ENTREP2: variants seen among roughly 807,000 people sequenced by gnomAD.
The protein encoded by ENTREP2 is protein ENTREP2.
the ENTREP2 span, among the ~76,000 whole-genome samples, chr15:29,361,514 C>T: frequency 6.6e-6 from 1 of 152,210 alleles, no homozygotes; most frequent in Admixed American, 6.5e-5. Context: ...GTATCTTTAA[C>T]ATTTTATTGA....
At chr15:29,223,906 G>GT in the ENTREP2 span, among the ~76,000 whole-genome samples, 1 of 152,164 alleles carries the variant, frequency 6.6e-6, no homozygotes, top group African/African-American at 2.4e-5. Flanking sequence ...TGCACATGAA[G>GT]TAAAGTCTGA....
At chr15:29,220,475 A>T in the ENTREP2 span, among the ~76,000 whole-genome samples, 1 of 152,192 alleles carries the variant, frequency 6.6e-6, no homozygotes, top group African/African-American at 2.4e-5. Flanking sequence ...CATGCAATTA[A>T]AGCCCATTAG....
chr15:29,506,947 A>G, the ENTREP2 span, among the ~76,000 whole-genome samples: 1 of 152,320 alleles, frequency 6.6e-6, no homozygotes, highest in African/African-American at 2.4e-5. Context: ...CCCCAATTAA[A>G]AGGCAAACAC....
the ENTREP2 span, among the ~76,000 whole-genome samples, chr15:29,631,723 G>A: frequency 1.3e-5 from 2 of 152,282 alleles, no homozygotes; most frequent in East Asian, 1.9e-4. Flanking sequence ...TCTAGCTGGG[G>A]GTGGGGACAG....
the ENTREP2 span, among the ~76,000 whole-genome samples, chr15:29,342,218 G>C: frequency 6.6e-6 from 1 of 152,208 alleles, no homozygotes; most frequent in Admixed American, 6.5e-5. Flanking sequence ...GGTAACTTTT[G>C]AAGGAACAGC....
the ENTREP2 span, chr15:29,570,402 CCGGA>C: frequency 1.3e-6 from 1 of 747,312 alleles, no homozygotes; most frequent in Non-Finnish European, 1.8e-6. Context: ...GCGTTGGCCG[CCGGA>C]ACTTGCCGCC....
the ENTREP2 span, among the ~76,000 whole-genome samples, chr15:29,484,533 C>T: frequency 6.6e-6 from 1 of 152,322 alleles, no homozygotes; most frequent in African/African-American, 2.4e-5. Context: ...TAATCATTCA[C>T]ATGCCATAGG....
the ENTREP2 span, among the ~76,000 whole-genome samples, chr15:29,583,501 G>C: frequency 6.6e-6 from 1 of 152,146 alleles, no homozygotes; most frequent in African/African-American, 2.4e-5. Context: ...AGAGCAATGA[G>C]GGGGAGAGCA....
At chr15:29,223,877 G>T in the ENTREP2 span, among the ~76,000 whole-genome samples, 44 of 152,182 alleles carry the variant, frequency 2.9e-4, no homozygotes, top group Non-Finnish European at 1.5e-4. Flanking sequence ...AGCTGACAGA[G>T]GACTGACAGA....
the ENTREP2 span, among the ~76,000 whole-genome samples, chr15:29,533,711 T>A: frequency 2.0e-5 from 3 of 152,034 alleles, no homozygotes; most frequent in Non-Finnish European, 4.4e-5. Flanking sequence ...ACCTTGGAAT[T>A]TCCCCTTCTT....
chr15:29,375,877 CCT>C, the ENTREP2 span: 351 of 152,002 alleles, frequency 2.3e-3, 2 homozygotes, highest in African/African-American at 8.2e-3. Context: ...TCTGAAAAGC[CCT>C]GTTTCTCTGA....
the ENTREP2 span, among the ~76,000 whole-genome samples, chr15:29,402,568 C>T: frequency 1.3e-5 from 2 of 152,138 alleles, no homozygotes; most frequent in African/African-American, 4.8e-5. Flanking sequence ...CTGTGGCCTC[C>T]CAAAGTGCTG....
chr15:29,487,136 T>C, the ENTREP2 span, among the ~76,000 whole-genome samples: 1 of 152,240 alleles, frequency 6.6e-6, no homozygotes, highest in Admixed American at 6.5e-5. Flanking sequence ...AATATCACTC[T>C]GTATCCCATA....
At chr15:29,128,720 G>C in the ENTREP2 span, 1 of 1,132,420 alleles carries the variant, frequency 8.8e-7, no homozygotes, top group African/African-American at 1.5e-5. Context: ...AGAATAGGAC[G>C]AGGACGAAAA....
At chr15:29,289,003 G>A in the ENTREP2 span, among the ~76,000 whole-genome samples, 1 of 151,984 alleles carries the variant, frequency 6.6e-6, no homozygotes, top group African/African-American at 2.4e-5. Context: ...TCAGGAGTTA[G>A]AGACCAGCCT....
chr15:29,196,281 A>G, the ENTREP2 span: 1 of 852,376 alleles, frequency 1.2e-6, no homozygotes, highest in East Asian at 2.7e-5. Context: ...TAATCCTTTC[A>G]AATGTTCTCT....
At chr15:29,524,669 A>C in the ENTREP2 span, among the ~76,000 whole-genome samples, 1 of 152,250 alleles carries the variant, frequency 6.6e-6, no homozygotes, top group East Asian at 1.9e-4. Context: ...AGTCGGAAGC[A>C]GCAATGGGCG....
At chr15:29,256,525 G>A in the ENTREP2 span, among the ~76,000 whole-genome samples, 52 of 151,952 alleles carry the variant, frequency 3.4e-4, no homozygotes, top group African/African-American at 1.2e-3. Flanking sequence ...TACAACTGCC[G>A]AAAAAAATGA....
the ENTREP2 span, among the ~76,000 whole-genome samples, chr15:29,206,657 G>T: frequency 6.6e-6 from 1 of 152,158 alleles, no homozygotes; most frequent in African/African-American, 2.4e-5. Context: ...GCCAATCCGG[G>T]GTGCGACATA....
Sources: allele counts gnomAD v4.1 joint callset (sites outside exome capture counted in the v4.1 genomes callset), GRCh38; gene constraint gnomAD v4.1.1; transcripts MANE v1.5; gene names NCBI Gene and HGNC (gene_info 2026-07-23, HGNC 2026-07-21).